TECTB: variants seen among roughly 807,000 people sequenced by gnomAD.
TECTB encodes tectorin beta.
A neutral mutation model predicts 43.3 loss-of-function variants in TECTB; 45 were observed. The observed-to-expected ratio is 1.04, with a 90% CI of 0.82 to 1.33. The LOEUF (loss-of-function observed/expected upper bound fraction) is 1.33. Among genes scored for constraint, TECTB ranks in the 40% most tolerant of loss-of-function variants. The pLI, the probability that TECTB is intolerant of heterozygous loss-of-function variation, is 0.00. For missense variants in TECTB, 399 were observed against 404.7 expected (o/e 0.99, Z 0.12); for synonymous variants, 169 against 156.7 (o/e 1.08, Z -0.59).
At position 112,300,186 on chromosome 10, in the gene TECTB, A is replaced by G. The variant is rs560621666; in HGVS notation, c.907+622A>G. 3.3e-5 allele frequency among the ~76,000 whole-genome samples: 5 copies of G among 150,270 alleles called. No individual in the cohort carries two copies. In the East Asian group the frequency reaches 9.8e-4, roughly 29 times the overall value. ...TCAAAAAAAAAAAAAAGAAAGAAAGAAAAAGAAGAAAGAAAGAGAGACAGA... is the reference window on the plus strand; with the variant it reads ...TCAAAAAAAAAAAAAAGAAAGAAAGGAAAAGAAGAAAGAAAGAGAGACAGA... On this transcript the variant is annotated intron_variant, in intron 9 of 10. Coordinates refer to ENST00000646139, the MANE Select transcript of TECTB (RefSeq NM_058222.3).
At chr10:112,303,045 T>C (rs1848625844) in intron 10 of TECTB, 1 of 571,120 alleles carries the variant, frequency 1.8e-6, no homozygotes, top group Non-Finnish European at 3.1e-6. Flanking sequence ...GCACCATCAC[T>C]GATTTCTATT....
intron 7 of TECTB, among the ~76,000 whole-genome samples, chr10:112,297,356 G>C (rs1848557466): frequency 6.6e-6 from 1 of 152,094 alleles, no homozygotes; most frequent in Admixed American, 6.5e-5. Context: ...TTTTTAAACT[G>C]AATTATTACC....
intron 9 of TECTB, among the ~76,000 whole-genome samples, chr10:112,300,162 CAA>C (rs1306586232): frequency 1.3e-4 from 5 of 39,932 alleles, no homozygotes; most frequent in Admixed American, 3.0e-4. Flanking sequence ...AACTCCGTCT[CAA>C]AAAAAAAAAA....
intron 7 of TECTB, among the ~76,000 whole-genome samples, chr10:112,295,316 C>A (rs34219545): frequency 6.6e-6 from 1 of 152,162 alleles, no homozygotes; most frequent in Non-Finnish European, 1.5e-5. Flanking sequence ...TTACAATATA[C>A]CAAACATTGT....
intron 9 of TECTB, among the ~76,000 whole-genome samples, chr10:112,300,216 C>A (rs1171947344): frequency 8.1e-5 from 6 of 73,746 alleles, no homozygotes; most frequent in African/African-American, 9.7e-5. Flanking sequence ...GACAGACAGA[C>A]AGACAGAAAG....
intron 10 of TECTB, chr10:112,302,761 A>C (rs565024735): frequency 5.6e-6 from 1 of 178,088 alleles, no homozygotes; most frequent in African/African-American, 2.4e-5. Flanking sequence ...ATATGTGTAG[A>C]GTATTTGGGG....
intron 5 of TECTB, among the ~76,000 whole-genome samples, chr10:112,289,410 G>A (rs533799397): frequency 3.3e-5 from 5 of 152,214 alleles, no homozygotes; most frequent in South Asian, 2.1e-4. Flanking sequence ...ACAAGCCTCC[G>A]AGGTGGTAAA....
chr10:112,304,315 TTG>T lies in TECTB; in HGVS notation c.*1005_*1006del, dbSNP rs1330012122. 6.6e-6 allele frequency: 1 copy of T among 152,256 alleles called. No individual in the cohort carries two copies. Among genetic ancestry groups the T allele is most frequent in the Non-Finnish European group, 1.5e-5 (1 of 68,050 alleles). 9.4% of individuals were successfully genotyped at this position (152,256 alleles called of 1,614,324 possible). A position where few individuals can be genotyped will look rare whatever the true frequency, so the allele number is the denominator to read the frequency against. On this transcript the variant is annotated 3_prime_UTR_variant, in exon 11 of 11. Coordinates refer to ENST00000646139, the MANE Select transcript of TECTB (RefSeq NM_058222.3). ...TAAACATCGAAGCTTACATCTGTTTTTGTCTCATTCACTTACAATCATTAGAA... is the reference window on the plus strand; with the variant it reads ...TAAACATCGAAGCTTACATCTGTTTTTCTCATTCACTTACAATCATTAGAA...
intron 5 of TECTB, among the ~76,000 whole-genome samples, chr10:112,293,358 G>A (rs1333836312): frequency 6.6e-6 from 1 of 152,230 alleles, no homozygotes; most frequent in African/African-American, 2.4e-5. Context: ...AGCAACGAGT[G>A]AGGGCAGAGG....
chr10:112,291,234 A>G (rs1848496570), intron 5 of TECTB, among the ~76,000 whole-genome samples: 1 of 151,202 alleles, frequency 6.6e-6, no homozygotes, highest in Non-Finnish European at 1.5e-5. Context: ...GCTCCCACTT[A>G]TAAGTGAGAC....
chr10:112,293,919 G>T, intron 6 of TECTB, 59 bp from the exon 7 acceptor site: 3 of 1,605,548 alleles, frequency 1.9e-6, no homozygotes, highest in Non-Finnish European at 2.6e-6. Context: ...TTAATCATCA[G>T]ATGTTTGTAG....
chr10:112,296,974 T>C (rs1848553185), intron 7 of TECTB, among the ~76,000 whole-genome samples: 1 of 152,202 alleles, frequency 6.6e-6, no homozygotes, highest in Non-Finnish European at 1.5e-5. Context: ...TACCCCGTGC[T>C]ACCTGCAGAT....
In TECTB at chr10:112,286,054, C is replaced by T; in HGVS notation, c.268-17C>T. ...GGGGAAACAGATTCATCCTGACTGT[C>T]TCCTTTCTTTGTCCAGTACAAGCCA... On this transcript the variant is annotated splice_polypyrimidine_tract_variant and intron_variant, in intron 3 of 10. Transcript: ENST00000646139. The T allele has an allele frequency of 6.2e-7, 1 of 1,613,922 alleles. No homozygotes were observed. Among genetic ancestry groups the T allele is most frequent in the Non-Finnish European group, 8.5e-7 (1 of 1,179,840 alleles).
chr10:112,303,401 A>G lies in TECTB; in HGVS notation c.*89A>G. On this transcript the variant is annotated 3_prime_UTR_variant, in exon 11 of 11. Transcript: ENST00000646139. ...TATTGTGCTGCCAAAAAGAACAAACAGAAGACCACATTGTTGGGGGGCAGA... is the reference window on the plus strand; with the variant it reads ...TATTGTGCTGCCAAAAAGAACAAACGGAAGACCACATTGTTGGGGGGCAGA... The G allele has an allele frequency of 1.3e-6, 2 of 1,516,850 alleles. No individual in the cohort carries two copies. The highest frequency in any genetic ancestry group is 9.2e-7 in the Non-Finnish European group (1 of 1,092,294). The allele number at this position is 1,516,850 out of a possible 1,614,324, so 94.0% of individuals were successfully genotyped here. A position where few individuals can be genotyped will look rare whatever the true frequency, so the allele number is the denominator to read the frequency against.
chr10:112,302,084 C>G lies in TECTB; in HGVS notation c.908-17C>G, dbSNP rs375870344. On this transcript the variant is annotated splice_polypyrimidine_tract_variant and intron_variant, in intron 9 of 10. Coordinates refer to ENST00000646139, the MANE Select transcript of TECTB (RefSeq NM_058222.3). The stretch of plus-strand genomic sequence containing the variant: ...TCTTTTCTTAAACTTTCTGCATTCT[C>G]TCTTTACTCACTACAGGCAGGGGAT... 7 of 1,613,752 alleles carry G rather than the reference C, an allele frequency of 4.3e-6. No individual in the cohort carries two copies. Among genetic ancestry groups the G allele is most frequent in the Non-Finnish European group, 5.1e-6 (6 of 1,179,760 alleles).
intron 7 of TECTB, among the ~76,000 whole-genome samples, chr10:112,297,826 C>T (rs754092142): frequency 6.6e-6 from 1 of 152,142 alleles, no homozygotes; most frequent in Non-Finnish European, 1.5e-5. Context: ...AAAAGTGTGA[C>T]TCTTATAAGT....
intron 7 of TECTB, 112 bp from the exon 8 acceptor site, chr10:112,297,957 G>A: frequency 1.4e-6 from 2 of 1,415,208 alleles, no homozygotes; most frequent in Admixed American, 1.8e-5. Context: ...AAATGCCTGG[G>A]AAGGTTAGAG....
At chr10:112,287,698 A>G (rs1277623857) in intron 5 of TECTB, among the ~76,000 whole-genome samples, 1 of 152,154 alleles carries the variant, frequency 6.6e-6, no homozygotes, top group Non-Finnish European at 1.5e-5. Flanking sequence ...CAGAGGGAGG[A>G]AGGATTAGCC....
intron 4 of TECTB, 40 bp downstream of exon 4, chr10:112,286,253 T>G (rs746033949): frequency 1.2e-6 from 2 of 1,614,070 alleles, no homozygotes; most frequent in Non-Finnish European, 1.7e-6. Context: ...CTGCCTCATG[T>G]GTGTACTGCA....
Sources: gnomAD v4.1 joint callset for allele counts (sites outside exome capture counted in the v4.1 genomes callset) on GRCh38, gnomAD v4.1.1 for gene constraint, MANE v1.5 for transcripts, NCBI Gene and HGNC (gene_info 2026-07-23, HGNC 2026-07-21) for gene names.